The following TENM3 variants were observed in gnomAD, a reference collection of about 807,000 sequenced individuals.
TENM3 encodes the protein teneurin-3.
A neutral mutation model predicts 255.1 loss-of-function variants in TENM3; 63 were observed. The ratio of observed to expected loss-of-function variants is 0.25; its 90% CI spans 0.20 to 0.30. TENM3 has a LOEUF of 0.30. Among genes scored for constraint, TENM3 ranks in the 10% least tolerant of loss-of-function variants. The pLI is 1.00. For missense variants in TENM3, 2,929 were observed against 3,461.1 expected, an observed-to-expected ratio of 0.85 and a Z score of 3.86; for synonymous variants, 1,306 against 1,322.3, an observed-to-expected ratio of 0.99 and a Z score of 0.27.
chr4:182,733,331 CTT>C (rs1321147021), intron 16 of TENM3, among the ~76,000 whole-genome samples: 32 of 152,292 alleles, frequency 2.1e-4, no homozygotes, highest in African/African-American at 7.7e-4. Flanking sequence ...AAAGATAACT[CTT>C]TGAGAATTGG....
intron 24 of TENM3, among the ~76,000 whole-genome samples, chr4:182,775,638 A>G (rs959166589): frequency 1.3e-5 from 2 of 152,178 alleles, no homozygotes; most frequent in African/African-American, 4.8e-5. Flanking sequence ...CCTCTTGCTC[A>G]GCTGTCCTGA....
the TENM3 span, among the ~76,000 whole-genome samples, chr4:181,518,223 G>A: frequency 6.6e-6 from 1 of 152,028 alleles, no homozygotes; most frequent in African/African-American, 2.4e-5. Context: ...AGAGTTAATA[G>A]GGTCATTAGC....
the TENM3 span, among the ~76,000 whole-genome samples, chr4:181,580,391 C>T: frequency 6.6e-6 from 1 of 152,180 alleles, no homozygotes; most frequent in Non-Finnish European, 1.5e-5. Context: ...CATCTGCCAC[C>T]CCAACCCATT....
chr4:181,787,853 T>A, the TENM3 span, among the ~76,000 whole-genome samples: 1 of 152,066 alleles, frequency 6.6e-6, no homozygotes. Context: ...GTGTAAAACC[T>A]AGCCAAGCGT....
chr4:181,733,693 G>A, the TENM3 span, among the ~76,000 whole-genome samples: 1 of 152,158 alleles, frequency 6.6e-6, no homozygotes, highest in African/African-American at 2.4e-5. Flanking sequence ...TTGGGGAAAG[G>A]AGAGGCTCCA....
At chr4:182,658,801 G>T (rs1279006135) in intron 6 of TENM3, among the ~76,000 whole-genome samples, 1 of 152,210 alleles carries the variant, frequency 6.6e-6, no homozygotes, top group African/African-American at 2.4e-5. Context: ...GTCCAGGGTA[G>T]CTCACTCACA....
chr4:181,733,825 T>A, the TENM3 span, among the ~76,000 whole-genome samples: 1 of 152,200 alleles, frequency 6.6e-6, no homozygotes, highest in Non-Finnish European at 1.5e-5. Context: ...TGTACTTGAA[T>A]AATTATTAAG....
chr4:181,833,822 C>G, the TENM3 span, among the ~76,000 whole-genome samples: 36 of 152,204 alleles, frequency 2.4e-4, no homozygotes, highest in Non-Finnish European at 1.9e-4. Flanking sequence ...TCTCTTTTCT[C>G]TGTAGCCTGT....
At chr4:182,565,869 A>G (rs567681671) in intron 3 of TENM3, among the ~76,000 whole-genome samples, 1 of 152,270 alleles carries the variant, frequency 6.6e-6, no homozygotes, top group East Asian at 1.9e-4. Context: ...TCAACCTAAG[A>G]CCAGCTGTTG....
the TENM3 span, among the ~76,000 whole-genome samples, chr4:181,983,018 G>A: frequency 2.6e-5 from 4 of 152,088 alleles, no homozygotes; most frequent in South Asian, 2.1e-4. Flanking sequence ...AAGCCATTCC[G>A]TAGATTTGTA....
the TENM3 span, among the ~76,000 whole-genome samples, chr4:181,452,440 C>A: frequency 6.6e-6 from 1 of 152,114 alleles, no homozygotes; most frequent in Admixed American, 6.6e-5. Flanking sequence ...TACCCCCATG[C>A]TGCTGTTCTC....
chr4:182,365,659 G>C (rs1766386952), intron 3 of TENM3, among the ~76,000 whole-genome samples: 1 of 152,176 alleles, frequency 6.6e-6, no homozygotes, highest in Admixed American at 6.5e-5. Context: ...AATAGCACTG[G>C]GAGGTAAATC....
At chr4:181,723,355 C>G in the TENM3 span, among the ~76,000 whole-genome samples, 1 of 151,040 alleles carries the variant, frequency 6.6e-6, no homozygotes, top group Admixed American at 6.6e-5. Flanking sequence ...TCTGTGATGG[C>G]TTTTTTTATT....
chr4:182,601,555 T>C (rs901932055), intron 4 of TENM3, among the ~76,000 whole-genome samples: 6 of 152,204 alleles, frequency 3.9e-5, no homozygotes, highest in African/African-American at 1.4e-4. Context: ...CTGTACTTTC[T>C]CAGACTATAT....
At chr4:181,998,013 T>C in the TENM3 span, among the ~76,000 whole-genome samples, 1 of 152,194 alleles carries the variant, frequency 6.6e-6, no homozygotes, top group African/African-American at 2.4e-5. Flanking sequence ...AAGGAATTGG[T>C]AGCCAAAAAA....
the TENM3 span, among the ~76,000 whole-genome samples, chr4:181,579,990 TTTTATTTTATTTTATTTA>T: frequency 1.0e-5 from 1 of 100,154 alleles, no homozygotes; most frequent in East Asian, 3.2e-4. Flanking sequence ...TTTTATTTTA[TTTTATTTTATTTTATTTA>T]TTTTTTGAGA....
At chr4:182,734,467 T>C (rs903012346) in intron 16 of TENM3, among the ~76,000 whole-genome samples, 1 of 152,108 alleles carries the variant, frequency 6.6e-6, no homozygotes, top group Non-Finnish European at 1.5e-5. Flanking sequence ...CAGAAGATAT[T>C]GATAGAAAAG....
At chr4:182,299,816 T>A (rs895273702) in intron 1 of TENM3, among the ~76,000 whole-genome samples, 13 of 151,790 alleles carry the variant, frequency 8.6e-5, no homozygotes, top group African/African-American at 3.1e-4. Flanking sequence ...GGCCCCAGTG[T>A]GCTATTAGGA....
intron 12 of TENM3, among the ~76,000 whole-genome samples, chr4:182,710,972 A>G (rs1287621428): frequency 6.6e-6 from 1 of 152,218 alleles, no homozygotes; most frequent in Non-Finnish European, 1.5e-5. Flanking sequence ...AGCCTTTTCC[A>G]GTAGGTTTCT....
Sources: allele counts gnomAD v4.1 joint callset (sites outside exome capture counted in the v4.1 genomes callset), GRCh38; gene constraint gnomAD v4.1.1; transcripts MANE v1.5; gene names NCBI Gene and HGNC (gene_info 2026-07-23, HGNC 2026-07-21).